FAM135B: variants seen among roughly 807,000 people sequenced by gnomAD.
FAM135B encodes family with sequence similarity 135 member B, also known as protein FAM135B.
In FAM135B, 43 loss-of-function variants were observed where a neutral mutation model predicts 127.7. The observed-to-expected ratio is 0.34, with a 90% CI of 0.26 to 0.43. FAM135B has a LOEUF of 0.43. FAM135B is among the 20% of genes least tolerant of loss of function. FAM135B has a pLI of 1.00. For missense variants in FAM135B, 1,558 were observed against 1,725.6 expected, an observed-to-expected ratio of 0.90 and a Z score of 1.72; for synonymous variants, 670 against 665.1, an observed-to-expected ratio of 1.01 and a Z score of -0.11.
At chr8:138,245,971 T>C (rs1821249613) in intron 6 of FAM135B, among the ~76,000 whole-genome samples, 1 of 152,168 alleles carries the variant, frequency 6.6e-6, no homozygotes, top group Admixed American at 6.5e-5. Flanking sequence ...GATGAGGAAC[T>C]TCTTGGGAAC....
intron 7 of FAM135B, among the ~76,000 whole-genome samples, chr8:138,230,484 T>G (rs535410905): frequency 2.0e-5 from 3 of 152,334 alleles, no homozygotes; most frequent in African/African-American, 7.2e-5. Context: ...GCCTCACTCA[T>G]AGCAGCCATG....
intron 1 of FAM135B, among the ~76,000 whole-genome samples, chr8:138,375,193 G>T (rs1831388341): frequency 6.6e-6 from 1 of 152,052 alleles, no homozygotes; most frequent in South Asian, 2.1e-4. Flanking sequence ...ATGCATCTAT[G>T]CCCCATTTGT....
intron 2 of FAM135B, among the ~76,000 whole-genome samples, chr8:138,323,745 T>C (rs1827611314): frequency 6.6e-6 from 1 of 152,204 alleles, no homozygotes; most frequent in Non-Finnish European, 1.5e-5. Flanking sequence ...TTTGTGTAGG[T>C]GAAAATTCAG....
chr8:138,198,879 G>C (rs1816876506), intron 7 of FAM135B, among the ~76,000 whole-genome samples: 1 of 152,214 alleles, frequency 6.6e-6, no homozygotes, highest in African/African-American at 2.4e-5. Context: ...CCTGGGCACA[G>C]AGATGGGAGT....
At chr8:138,491,977 G>T in intron 1 of FAM135B, among the ~76,000 whole-genome samples, 1 of 152,296 alleles carries the variant, frequency 6.6e-6, no homozygotes, top group East Asian at 1.9e-4. Flanking sequence ...GTTGGAACAG[G>T]GGCTGAATGT....
chr8:138,272,004 T>A (rs1410651445), intron 3 of FAM135B, among the ~76,000 whole-genome samples: 9 of 152,032 alleles, frequency 5.9e-5, no homozygotes, highest in African/African-American at 2.2e-4. Context: ...TCCAAATGTT[T>A]TTTTTTTTTA....
intron 2 of FAM135B, among the ~76,000 whole-genome samples, chr8:138,337,692 T>C (rs1828712412): frequency 6.6e-6 from 1 of 152,022 alleles, no homozygotes; most frequent in Non-Finnish European, 1.5e-5. Context: ...CCCAAGGTAA[T>C]TTATAGATTC....
At chr8:138,261,610 T>G (rs899475666) in intron 4 of FAM135B, among the ~76,000 whole-genome samples, 5 of 152,224 alleles carry the variant, frequency 3.3e-5, no homozygotes, top group African/African-American at 1.2e-4. Context: ...CCAAATCTTC[T>G]GTGGGATTAC....
chr8:138,377,042 G>A lies in FAM135B; in HGVS notation c.-19-9040C>T, dbSNP rs556949202. Among the ~76,000 whole-genome samples the A allele has an allele frequency of 9.8e-5, 15 of 152,318 alleles. No homozygotes were observed. The South Asian group carries it at 3.1e-3, about 32-fold the overall frequency. On this transcript the variant is annotated intron_variant, in intron 1 of 19. Coordinates refer to ENST00000395297, the MANE Select transcript of FAM135B (RefSeq NM_015912.4). ...GAATGTTGGATAAAATATTAAAACT[G>A]TTTTGAAGAAATATCATAATTCCAA...
chr8:138,308,864 G>C (rs2130882205), intron 3 of FAM135B: 2 of 296,290 alleles, frequency 6.8e-6, no homozygotes, highest in East Asian at 1.8e-4. Context: ...GCTTTCATCA[G>C]GTTGGCTGTG....
chr8:138,158,210 T>C (rs1311184814), intron 12 of FAM135B, among the ~76,000 whole-genome samples: 2 of 152,202 alleles, frequency 1.3e-5, no homozygotes, highest in Non-Finnish European at 2.9e-5. Flanking sequence ...AGGATTCCCT[T>C]TTTAAATAAA....
chr8:138,241,060 G>A lies in FAM135B; in HGVS notation c.669+1882C>T, dbSNP rs189653124. ...GAAACTCTGGGTGCCAGCCCACGTG[G>A]GGGCTGAAGGAAGGAAGACTGGACA... On this transcript the variant is annotated intron_variant, in intron 7 of 19. Coordinates refer to ENST00000395297, the MANE Select transcript of FAM135B (RefSeq NM_015912.4). This position sits in a 1 kb window ranked among gnomAD's most constrained non-coding sequence, Gnocchi z 4.8. Among the ~76,000 whole-genome samples, 79 of 152,142 alleles carry A rather than the reference G, an allele frequency of 5.2e-4. No homozygotes were observed. The highest frequency in any genetic ancestry group is 3.4e-3 in the Middle Eastern group (1 of 294).
chr8:138,203,677 G>A (rs889938587), intron 7 of FAM135B, among the ~76,000 whole-genome samples: 4 of 152,116 alleles, frequency 2.6e-5, no homozygotes, highest in Non-Finnish European at 4.4e-5. Context: ...CCAGGGACTC[G>A]TTTCATGGAA....
intron 2 of FAM135B, among the ~76,000 whole-genome samples, chr8:138,330,593 CT>C (rs1563904769): frequency 6.6e-6 from 1 of 152,128 alleles, no homozygotes; most frequent in Non-Finnish European, 1.5e-5. Flanking sequence ...AGCAAACCCC[CT>C]AAGCATGCTC....
chr8:138,377,935 GCAAA>G (rs1190455174), intron 1 of FAM135B, among the ~76,000 whole-genome samples: 1 of 152,170 alleles, frequency 6.6e-6, no homozygotes, highest in East Asian at 1.9e-4. Flanking sequence ...AGTGTTCCAG[GCAAA>G]CAATCTTATT....
chr8:138,408,250 A>G (rs2131392941), intron 1 of FAM135B, among the ~76,000 whole-genome samples: 1 of 152,286 alleles, frequency 6.6e-6, no homozygotes, highest in Non-Finnish European at 1.5e-5. Context: ...GGCTGTTTAT[A>G]TCTACACTGA....
intron 1 of FAM135B, among the ~76,000 whole-genome samples, chr8:138,453,952 A>G (rs1015258184): frequency 2.6e-5 from 4 of 152,110 alleles, no homozygotes; most frequent in Non-Finnish European, 5.9e-5. Context: ...TTATTTCACG[A>G]AAGAGAAATC....
intron 1 of FAM135B, among the ~76,000 whole-genome samples, chr8:138,379,062 C>T (rs530261805): frequency 8.9e-4 from 135 of 152,286 alleles, no homozygotes; most frequent in African/African-American, 3.1e-3. Context: ...AAACTTGGGA[C>T]CACAGTGAGT....
chr8:138,310,748 T>C (rs922068637), intron 3 of FAM135B, 93 bp downstream of exon 3: 18 of 1,138,950 alleles, frequency 1.6e-5, no homozygotes, highest in Non-Finnish European at 2.2e-5. Flanking sequence ...TGAGTATGTC[T>C]ACATGCCTTG....
Sources: allele counts gnomAD v4.1 joint callset (sites outside exome capture counted in the v4.1 genomes callset), GRCh38; gene constraint gnomAD v4.1.1; non-coding constraint Gnocchi (gnomAD v3.1); transcripts MANE v1.5; gene names NCBI Gene and HGNC (gene_info 2026-07-23, HGNC 2026-07-21).